TUBD1: variants seen among roughly 807,000 people sequenced by gnomAD.
The protein encoded by TUBD1 is tubulin delta chain.
Under a neutral mutation model 51.2 loss-of-function variants are expected in TUBD1, and 38 were observed. That is an observed-to-expected ratio of 0.74 (90% confidence interval 0.57 to 0.97). The LOEUF (loss-of-function observed/expected upper bound fraction) is 0.97, where lower values mean the gene tolerates loss of function less well. Ranked by LOEUF, TUBD1 falls within the 50% of genes least tolerant of loss-of-function variation. The pLI, the probability that TUBD1 is intolerant of heterozygous loss-of-function variation, is 0.00. For missense variants in TUBD1, 489 were observed against 538.4 expected, an observed-to-expected ratio of 0.91 and a Z score of 0.91; for synonymous variants, 169 against 178.2, an observed-to-expected ratio of 0.95 and a Z score of 0.41.
intron 8 of TUBD1, among the ~76,000 whole-genome samples, chr17:59,861,958 A>T (rs549356226): frequency 2.0e-5 from 3 of 150,626 alleles, no homozygotes; most frequent in South Asian, 2.1e-4. Context: ...GAGCCACTGC[A>T]CCCAGCCTGA....
At chr17:59,888,904 G>A (rs750292790) in intron 2 of TUBD1, among the ~76,000 whole-genome samples, 1 of 150,674 alleles carries the variant, frequency 6.6e-6, no homozygotes, top group Non-Finnish European at 1.5e-5. Flanking sequence ...TACAGATGGG[G>A]TTTCACCACG....
Position 59,874,589 on chromosome 17 carries a change from A to C in TUBD1, c.884T>G (p.Leu295Arg). The change falls in exon 6 of 9, where the codon CTC becomes CGC. Residue 295 changes from leucine (L) to arginine (R), a missense_variant. Leu to Arg is a moderately radical substitution (Grantham distance 102). Coordinates refer to ENST00000325752, the MANE Select transcript of TUBD1 (RefSeq NM_016261.4). ...GAGCATCTGTCTCAAATGCTTGAGG[A>C]GGCCAGCCCAAGTAAATGTGGTGTA... ...LAYTTFTWAGLLKHLRQMLIS... is the reference protein window; with the variant it reads ...LAYTTFTWAGRLKHLRQMLIS... The C allele has an allele frequency of 6.2e-7, 1 of 1,613,474 alleles. No individual in the cohort carries two copies. Among genetic ancestry groups the C allele is most frequent in the South Asian group, 1.1e-5 (1 of 90,848 alleles).
At chr17:59,889,010 CTT>C (rs756097623) in intron 2 of TUBD1, among the ~76,000 whole-genome samples, 1 of 55,778 alleles carries the variant, frequency 1.8e-5, no homozygotes, top group Non-Finnish European at 3.1e-5. Flanking sequence ...CCATGCCTGG[CTT>C]TTTTTTTTTT....
chr17:59,878,332 A>ATT lies in TUBD1; in HGVS notation c.539_540insAA (p.Val182LeufsTer9). ...AAATGGAGTTGTAGTTTTGAACAAT[A>ATT]ACCTGGAGAGGAAAAGGTCAGAAAA... is the stretch of plus-strand genomic sequence containing the variant. On this transcript the variant is annotated frameshift_variant and splice_region_variant, in exon 5 of 9. Transcript: ENST00000325752. LOFTEE classifies it high-confidence loss of function. 6.2e-7 allele frequency: 1 copy of ATT among 1,608,498 alleles called. No homozygotes were observed. Among genetic ancestry groups the ATT allele is most frequent in the Non-Finnish European group, 8.5e-7 (1 of 1,174,984 alleles).
chr17:59,872,694 A>ATGTGTGTGTGTGTGTGTGTGTGTGTG (rs60720420), intron 6 of TUBD1, among the ~76,000 whole-genome samples: 2 of 142,640 alleles, frequency 1.4e-5, no homozygotes, highest in African/African-American at 5.2e-5. Context: ...GAAAATGGGA[A>ATGTGTGTGTGTGTGTGTGTGTGTGTG]TGTGTGTGTG....
intron 5 of TUBD1, among the ~76,000 whole-genome samples, chr17:59,877,820 T>G (rs1047085514): frequency 6.7e-6 from 1 of 148,958 alleles, no homozygotes; most frequent in Non-Finnish European, 1.5e-5. Flanking sequence ...TTTAAATGGG[T>G]GAATTGCATG....
intron 6 of TUBD1, among the ~76,000 whole-genome samples, 200 bp from the exon 7 acceptor site, chr17:59,866,949 C>G (rs531914506): frequency 1.2e-4 from 19 of 152,054 alleles, no homozygotes; most frequent in Non-Finnish European, 2.6e-4. Flanking sequence ...TGTGCCATCA[C>G]GCCCAGCTAA....
chr17:59,875,990 T>A (rs2040206917), intron 5 of TUBD1, among the ~76,000 whole-genome samples: 1 of 152,310 alleles, frequency 6.6e-6, no homozygotes, highest in South Asian at 2.1e-4. Context: ...AAACTCATAA[T>A]GTACATCCTA....
At chr17:59,871,819 A>G (rs940693590) in intron 6 of TUBD1, among the ~76,000 whole-genome samples, 4 of 152,168 alleles carry the variant, frequency 2.6e-5, no homozygotes, top group African/African-American at 9.6e-5. Context: ...TTTTTGAGAC[A>G]GGGTTTTGCT....
At chr17:59,874,910 C>T (rs1183310864) in intron 5 of TUBD1, among the ~76,000 whole-genome samples, 1 of 151,960 alleles carries the variant, frequency 6.6e-6, no homozygotes, top group Admixed American at 6.6e-5. Context: ...CTGACTTGAG[C>T]ATGAGTGAGA....
In TUBD1 at chr17:59,863,772, C is replaced by T. The variant is rs200634285; in HGVS notation, c.1151G>A (p.Arg384Gln). 28 of 1,610,876 alleles carry T rather than the reference C, an allele frequency of 1.7e-5. No homozygotes were observed. Among genetic ancestry groups the T allele is most frequent in the Admixed American group, 1.7e-5 (1 of 59,312 alleles). ...AGACTTCTCATATTTGCTAAAGGCC[C>T]GCTGGGTTTTCCACACGTTGAAAGC... ...VNAFNVWKTQ[R>Q]AFSKYEKSAV... is the part of the protein sequence containing the mutation. The change falls in exon 8 of 9, where the codon CGG (arginine) becomes CAG (glutamine). Residue 384 changes from arginine (R) to glutamine (Q), a missense_variant. Physicochemically the swap from Arg to Gln is conservative, Grantham distance 43. Transcript: ENST00000325752.
rs184409124 is a variant in TUBD1, at chr17:59,889,705, A to C, written c.172+1126T>G. 4.7e-3 allele frequency among the ~76,000 whole-genome samples: 699 copies of C among 149,758 alleles called. 9 individuals carry two copies. The highest frequency in any genetic ancestry group is 0.016 in the African/African-American group (673 of 40,956). Reference sequence around the variant, plus strand: ...AAAAAAAAGAAAAAGAAAAAGAAAGAGAGCCTGTAATCCCATCACTTTGGG... The same window carrying C: ...AAAAAAAAGAAAAAGAAAAAGAAAGCGAGCCTGTAATCCCATCACTTTGGG... On this transcript the variant is annotated intron_variant, in intron 2 of 8. Coordinates refer to ENST00000325752, the MANE Select transcript of TUBD1 (RefSeq NM_016261.4).
intron 6 of TUBD1, among the ~76,000 whole-genome samples, chr17:59,867,877 C>T (rs2144453165): frequency 6.6e-6 from 1 of 152,006 alleles, no homozygotes; most frequent in South Asian, 2.1e-4. Flanking sequence ...TCCTGGTATT[C>T]AAGCCCTTGG....
chr17:59,891,566 C>T (rs887455846), intron 1 of TUBD1, among the ~76,000 whole-genome samples: 15 of 152,154 alleles, frequency 9.9e-5, no homozygotes, highest in African/African-American at 3.6e-4. Flanking sequence ...ATTTACTGTA[C>T]CTGAATCCAT....
At chr17:59,877,287 A>G (rs897357147) in intron 5 of TUBD1, among the ~76,000 whole-genome samples, 2 of 152,224 alleles carry the variant, frequency 1.3e-5, no homozygotes, top group Non-Finnish European at 2.9e-5. Flanking sequence ...TCTCTGTCAG[A>G]GCACAACTAC....
chr17:59,880,835 A>C (rs1403890729), intron 4 of TUBD1, 59 bp downstream of exon 4: 5 of 1,506,328 alleles, frequency 3.3e-6, no homozygotes, highest in Non-Finnish European at 4.6e-6. Flanking sequence ...TCTTTTACCC[A>C]TATTTATTTC....
In TUBD1 at chr17:59,868,361, C is replaced by T. The variant is rs551429124; in HGVS notation, c.935-1612G>A. On this transcript the variant is annotated intron_variant, in intron 6 of 8. Transcript: ENST00000325752. ...TCACATATTCTCCCTAATGGTAGAA[C>T]ATGCAGAAACAGATACTGATGGTGA... Among the ~76,000 whole-genome samples, 4 of 148,976 alleles carry T rather than the reference C, an allele frequency of 2.7e-5. No individual in the cohort carries two copies. In the East Asian group the frequency reaches 8.0e-4, roughly 30 times the overall value.
intron 2 of TUBD1, among the ~76,000 whole-genome samples, chr17:59,890,347 G>C (rs1178793319): frequency 1.3e-5 from 2 of 152,094 alleles, no homozygotes; most frequent in East Asian, 1.9e-4. Context: ...GGGTTCAAGT[G>C]ATTCTCCTGC....
intron 6 of TUBD1, among the ~76,000 whole-genome samples, chr17:59,871,788 A>G (rs1170159807): frequency 6.6e-6 from 1 of 151,932 alleles, no homozygotes; most frequent in Non-Finnish European, 1.5e-5. Context: ...AAACATATTA[A>G]GAAAGAATTC....
Sources: allele counts gnomAD v4.1 joint callset (sites outside exome capture counted in the v4.1 genomes callset), GRCh38; gene constraint gnomAD v4.1.1; transcripts MANE v1.5; gene names NCBI Gene and HGNC (gene_info 2026-07-23, HGNC 2026-07-21).